LRBA: variants seen among roughly 807,000 people sequenced by gnomAD.
LRBA encodes the protein LPS responsive beige-like anchor protein, also known as lipopolysaccharide-responsive and beige-like anchor protein.
A neutral mutation model predicts 330.0 loss-of-function variants in LRBA; 176 were observed. The observed-to-expected ratio is 0.53, with a 90% CI of 0.47 to 0.60. The LOEUF (loss-of-function observed/expected upper bound fraction) is 0.60, where lower values mean the gene tolerates loss of function less well. Among genes scored for constraint, LRBA ranks in the 20% least tolerant of loss-of-function variants. The pLI, the probability that LRBA is intolerant of heterozygous loss-of-function variation, is 0.00. For synonymous variants in LRBA, 1,230 were observed against 1,193.0 expected (o/e 1.03, Z -0.64); for missense variants, 3,259 against 3,444.8 (o/e 0.95, Z 1.35).
intron 47 of LRBA, among the ~76,000 whole-genome samples, chr4:150,371,637 C>T (rs1740344968): frequency 6.6e-6 from 1 of 151,826 alleles, no homozygotes; most frequent in African/African-American, 2.4e-5. Flanking sequence ...CAAGTATGTC[C>T]AAAGGTACAT....
chr4:150,293,800 A>AGG (rs1343850889), intron 53 of LRBA, among the ~76,000 whole-genome samples: 2 of 152,204 alleles, frequency 1.3e-5, no homozygotes, highest in Non-Finnish European at 1.5e-5. Context: ...AGACAGCAAG[A>AGG]CCAGCCCTCT....
At chr4:150,535,564 C>T (rs1046555841) in intron 40 of LRBA, among the ~76,000 whole-genome samples, 1 of 152,148 alleles carries the variant, frequency 6.6e-6, no homozygotes, top group South Asian at 2.1e-4. Context: ...CACGCAAGAA[C>T]AGTAATTCCC....
At chr4:150,626,903 A>C (rs146849569) in intron 37 of LRBA, among the ~76,000 whole-genome samples, 29 of 152,222 alleles carry the variant, frequency 1.9e-4, no homozygotes, top group South Asian at 6.2e-4. Flanking sequence ...TTTTTAAAAG[A>C]TAATATTCTT....
At chr4:150,921,808 C>G (rs1345071363) in intron 4 of LRBA, among the ~76,000 whole-genome samples, 1 of 152,174 alleles carries the variant, frequency 6.6e-6, no homozygotes, top group Non-Finnish European at 1.5e-5. Flanking sequence ...TCACCGCAAC[C>G]TCCGCCTCCC....
At position 150,693,437 on chromosome 4, in the gene LRBA, G is replaced by A. The variant is rs369410285; in HGVS notation, c.5755-9720C>T. Reference sequence around the variant, plus strand: ...AAATTAGCCGGGCGTAGTGGCGGGCGCCTGTAGTCCCAGCTACTTGGGAGG... The same window carrying A: ...AAATTAGCCGGGCGTAGTGGCGGGCACCTGTAGTCCCAGCTACTTGGGAGG... On this transcript the variant is annotated intron_variant, in intron 36 of 56. Transcript: ENST00000651943. Among the ~76,000 whole-genome samples, 153 of 149,868 alleles carry A rather than the reference G, an allele frequency of 1.0e-3. 3 individuals carry two copies. The highest frequency in any genetic ancestry group is 3.6e-3 in the African/African-American group (150 of 41,182).
In LRBA at chr4:150,760,045, A is replaced by C. The variant is rs149426027; in HGVS notation, c.5645+1738T>G. Among the ~76,000 whole-genome samples, 25 of 152,312 alleles carry C rather than the reference A, an allele frequency of 1.6e-4. 1 individual carries two copies. The highest frequency in any genetic ancestry group is 4.6e-4 in the African/African-American group (19 of 41,578). Reference sequence around the variant, plus strand: ...AAAGCCCTGGAATTATACTTCAATAAACACTAAAAATTATAAAAAATCTGT... The same window carrying C: ...AAAGCCCTGGAATTATACTTCAATACACACTAAAAATTATAAAAAATCTGT... On this transcript the variant is annotated intron_variant, in intron 35 of 56. Coordinates refer to ENST00000651943, the MANE Select transcript of LRBA (RefSeq NM_001364905.1).
At chr4:150,949,840 C>T (rs1436794594) in intron 2 of LRBA, among the ~76,000 whole-genome samples, 1 of 151,856 alleles carries the variant, frequency 6.6e-6, no homozygotes, top group Non-Finnish European at 1.5e-5. Context: ...TCCCTCCCTA[C>T]TCCAGCCAAA....
chr4:150,575,024 A>G (rs1038711564), intron 40 of LRBA, among the ~76,000 whole-genome samples: 3 of 152,008 alleles, frequency 2.0e-5, no homozygotes, highest in African/African-American at 7.2e-5. Flanking sequence ...AATTACCTAT[A>G]TACCAAATCA....
intron 53 of LRBA, among the ~76,000 whole-genome samples, chr4:150,287,780 G>A (rs532184398): frequency 7.1e-4 from 108 of 152,244 alleles, no homozygotes; most frequent in African/African-American, 2.2e-3. Context: ...GCAGAACAAG[G>A]GGCTTCGTTT....
rs752238114 is a variant in LRBA, at chr4:150,900,152, G to A, written c.1821C>T (p.Thr607=). The stretch of plus-strand genomic sequence containing the variant: ...GAAGCACTGTTCCAACTCTCCGAAT[G>A]GTGTTATATATGTTGACTGTACCAA... ...EFIGTVNIYN[T]IRRVGTVLLI... The change falls in exon 14 of 57, where the codon ACC becomes ACT. Residue 607 remains threonine, a synonymous_variant. Coordinates refer to ENST00000651943, the MANE Select transcript of LRBA (RefSeq NM_001364905.1). 2.5e-6 allele frequency: 4 copies of A among 1,612,478 alleles called. No individual in the cohort carries two copies. The South Asian group carries it at 3.3e-5, about 13-fold the overall frequency.
chr4:150,753,070 G>A (rs1733770763), intron 35 of LRBA, among the ~76,000 whole-genome samples: 1 of 152,102 alleles, frequency 6.6e-6, no homozygotes, highest in Non-Finnish European at 1.5e-5. Flanking sequence ...TTCATTGTCA[G>A]TGACATTTCC....
chr4:150,703,994 C>CA (rs1174854784), intron 36 of LRBA, among the ~76,000 whole-genome samples: 1 of 151,988 alleles, frequency 6.6e-6, no homozygotes, highest in African/African-American at 2.4e-5. Flanking sequence ...CACTTGAGTC[C>CA]AGGAGTTTGG....
chr4:150,513,693 T>G (rs1018526162), intron 40 of LRBA, among the ~76,000 whole-genome samples: 1 of 152,180 alleles, frequency 6.6e-6, no homozygotes, highest in Non-Finnish European at 1.5e-5. Context: ...TCCCCTCACA[T>G]AGTGGAGACA....
intron 53 of LRBA, among the ~76,000 whole-genome samples, chr4:150,288,624 A>G (rs1422596852): frequency 6.6e-6 from 1 of 152,164 alleles, no homozygotes; most frequent in East Asian, 1.9e-4. Context: ...TCAATACTTT[A>G]GCCCTGATTC....
At chr4:150,318,533 T>C (rs1234065936) in intron 50 of LRBA, among the ~76,000 whole-genome samples, 1 of 152,022 alleles carries the variant, frequency 6.6e-6, no homozygotes, top group Admixed American at 6.6e-5. Context: ...AATCAAGGCA[T>C]AGTGACAGGT....
intron 31 of LRBA, among the ~76,000 whole-genome samples, chr4:150,814,054 C>T (rs1744186293): frequency 6.6e-6 from 1 of 151,946 alleles, no homozygotes; most frequent in African/African-American, 2.4e-5. Flanking sequence ...ACATAATTTA[C>T]TAAATATTGT....
At chr4:150,336,315 CT>C (rs1734726548) in intron 48 of LRBA, among the ~76,000 whole-genome samples, 1 of 152,142 alleles carries the variant, frequency 6.6e-6, no homozygotes, top group African/African-American at 2.4e-5. Flanking sequence ...ATTGAGTTTA[CT>C]TTTTTAACTT....
At position 150,264,880 on chromosome 4, in the gene LRBA, A is replaced by G. The variant is rs1580830128; in HGVS notation, c.*842T>C. ...CTGAATACAGCACCCGGTAGCCTCT[A>G]TTTGCAAACCCGGGGAGGGAAGGGG... On this transcript the variant is annotated 3_prime_UTR_variant, in exon 57 of 57. Transcript: ENST00000651943. The G allele has an allele frequency of 6.9e-6, 1 of 144,890 alleles. No individual in the cohort carries two copies. 9.0% of individuals were successfully genotyped at this position (144,890 alleles called of 1,614,324 possible).
intron 37 of LRBA, among the ~76,000 whole-genome samples, chr4:150,638,473 C>G (rs1004629033): frequency 1.3e-5 from 2 of 152,164 alleles, no homozygotes; most frequent in Admixed American, 6.5e-5. Context: ...ACCTCATTTA[C>G]TTTTAACAAT....
Sources: allele counts gnomAD v4.1 joint callset (sites outside exome capture counted in the v4.1 genomes callset), GRCh38; gene constraint gnomAD v4.1.1; transcripts MANE v1.5; gene names NCBI Gene and HGNC (gene_info 2026-07-23, HGNC 2026-07-21).